Variants in DGKB observed in about 807,000 individuals in gnomAD.
DGKB encodes diacylglycerol kinase beta, also known as 90 kDa diacylglycerol kinase.
DGKB carries 67 observed loss-of-function variants against 114.3 expected under a neutral mutation model. That is an observed-to-expected ratio of 0.59 (90% CI 0.48 to 0.72). DGKB has a LOEUF of 0.72. Among genes scored for constraint, DGKB ranks in the 30% least tolerant of loss-of-function variants. DGKB has a pLI of 0.00. For missense variants in DGKB, 907 were observed against 975.2 expected (o/e 0.93, Z 0.93); for synonymous variants, 398 against 323.1 (o/e 1.23, Z -2.49).
intron 21 of DGKB, among the ~76,000 whole-genome samples, chr7:14,451,174 T>A (rs1008960660): frequency 6.6e-6 from 1 of 152,028 alleles, no homozygotes; most frequent in Admixed American, 6.6e-5. Context: ...TAAACATTAC[T>A]CTGTGTGTGC....
intron 4 of DGKB, among the ~76,000 whole-genome samples, chr7:14,736,865 G>A (rs1361601732): frequency 2.6e-5 from 4 of 152,080 alleles, no homozygotes; most frequent in East Asian, 1.9e-4. Context: ...GCCCATTAGC[G>A]GAAATGGTGA....
intron 8 of DGKB, among the ~76,000 whole-genome samples, chr7:14,695,490 C>CTTT (rs1823663284): frequency 1.7e-4 from 14 of 81,690 alleles, no homozygotes; most frequent in East Asian, 7.3e-4. Context: ...CTCTCTCTCT[C>CTTT]TCTCTTTTTT....
At chr7:14,514,709 CAATT>C (rs927196985) in intron 20 of DGKB, among the ~76,000 whole-genome samples, 2 of 151,984 alleles carry the variant, frequency 1.3e-5, no homozygotes, top group Non-Finnish European at 2.9e-5. Context: ...TGAATGTTCT[CAATT>C]AATTGTTTCA....
chr7:14,747,775 G>GCGCGCGCGCGCGCGCGCGCGCACACA, intron 4 of DGKB, among the ~76,000 whole-genome samples: 24 of 149,278 alleles, frequency 1.6e-4, no homozygotes, highest in African/African-American at 6.0e-4. Context: ...ACATCCACGC[G>GCGCGCGCGCGCGCGCGCGCGCACACA]CACGCACACA....
At chr7:14,307,324 TC>T in intron 23 of DGKB, among the ~76,000 whole-genome samples, 1 of 152,306 alleles carries the variant, frequency 6.6e-6, no homozygotes, top group South Asian at 2.1e-4. Flanking sequence ...TTTTCCGACT[TC>T]AATTAATTAA....
chr7:14,835,587 G>A (rs559398323), intron 2 of DGKB, among the ~76,000 whole-genome samples: 145 of 152,268 alleles, frequency 9.5e-4, no homozygotes, highest in African/African-American at 3.3e-3. Flanking sequence ...GCTCAGGACA[G>A]AAGTAAAAGC....
Position 14,559,637 on chromosome 7 carries a change from T to C in DGKB, c.1770+14575A>G, listed in dbSNP as rs898325124. Reference sequence around the variant, plus strand: ...ATTGTCAATTGAATTTTTTGTTACATCATGAATTTATTAAATTATTTCAAA... The same window carrying C: ...ATTGTCAATTGAATTTTTTGTTACACCATGAATTTATTAAATTATTTCAAA... On this transcript the variant is annotated intron_variant, in intron 20 of 25. Coordinates refer to ENST00000402815, the MANE Select transcript of DGKB (RefSeq NM_001350709.2). Among the ~76,000 whole-genome samples, 16 of 152,354 alleles carry C rather than the reference T, an allele frequency of 1.1e-4. No individual in the cohort carries two copies. In the East Asian group the frequency reaches 2.9e-3, roughly 28 times the overall value.
chr7:14,774,428 T>C (rs543019455), intron 2 of DGKB, among the ~76,000 whole-genome samples: 37 of 152,296 alleles, frequency 2.4e-4, no homozygotes, highest in African/African-American at 8.4e-4. Context: ...ATAGAGGCTG[T>C]ATGAAATGGA....
At chr7:14,750,193 G>C (rs911403311) in intron 4 of DGKB, 8 of 515,938 alleles carry the variant, frequency 1.6e-5, no homozygotes, top group Admixed American at 1.2e-4. Context: ...TAGCTTCAAT[G>C]CACATTATGT....
intron 23 of DGKB, among the ~76,000 whole-genome samples, chr7:14,248,765 T>A (rs1237099610): frequency 2.0e-5 from 3 of 152,160 alleles, no homozygotes; most frequent in African/African-American, 7.2e-5. Flanking sequence ...GTTTTCTGTA[T>A]ATAAGATTAT....
intron 4 of DGKB, among the ~76,000 whole-genome samples, chr7:14,745,803 C>CT (rs397808130): frequency 0.067 from 20 of 300 alleles, no homozygotes; most frequent in African/African-American, 0.22. Context: ...TTCAATGTGT[C>CT]GCATGCTTAA....
intron 18 of DGKB, among the ~76,000 whole-genome samples, chr7:14,582,082 G>T (rs1258463697): frequency 6.6e-6 from 1 of 152,074 alleles, no homozygotes; most frequent in Non-Finnish European, 1.5e-5. Flanking sequence ...TTTCTGCATT[G>T]ACTAAATAGG....
intron 25 of DGKB, among the ~76,000 whole-genome samples, chr7:14,163,791 T>G (rs1355782957): frequency 1.3e-5 from 2 of 152,180 alleles, no homozygotes; most frequent in Non-Finnish European, 1.5e-5. Flanking sequence ...GGTCAGGAAT[T>G]CGAGACCAGC....
intron 23 of DGKB, among the ~76,000 whole-genome samples, chr7:14,258,916 C>CT (rs1228666335): frequency 1.3e-5 from 2 of 152,024 alleles, no homozygotes; most frequent in Non-Finnish European, 2.9e-5. Flanking sequence ...TTGGGGGGCA[C>CT]TTTTTTTCAA....
intron 12 of DGKB, among the ~76,000 whole-genome samples, chr7:14,677,053 T>G (rs1434137507): frequency 2.0e-5 from 3 of 151,936 alleles, no homozygotes; most frequent in Admixed American, 6.6e-5. Flanking sequence ...CACTTGGAAA[T>G]AATTTCAGAG....
chr7:14,881,250 CT>C (rs1468688473), intron 1 of DGKB, among the ~76,000 whole-genome samples: 1 of 152,118 alleles, frequency 6.6e-6, no homozygotes, highest in Non-Finnish European at 1.5e-5. Flanking sequence ...AGTTGAGCAT[CT>C]TTTCACATAT....
At chr7:14,720,474 TG>T (rs1208061924) in intron 5 of DGKB, among the ~76,000 whole-genome samples, 3 of 4,912 alleles carry the variant, frequency 6.1e-4, no homozygotes, top group African/African-American at 4.3e-3. Context: ...CCGGCTGATT[TG>T]TGTGTGTGTG....
At chr7:14,492,654 C>A (rs1346506632) in intron 20 of DGKB, among the ~76,000 whole-genome samples, 5 of 151,994 alleles carry the variant, frequency 3.3e-5, no homozygotes, top group African/African-American at 1.2e-4. Context: ...TTCTACAGTT[C>A]TAGACCTGAT....
intron 20 of DGKB, among the ~76,000 whole-genome samples, chr7:14,537,456 C>A (rs1792691734): frequency 6.6e-6 from 1 of 152,024 alleles, no homozygotes; most frequent in East Asian, 1.9e-4. Context: ...CAATGGAACA[C>A]AATAGAGAGC....
Sources: gnomAD v4.1 joint callset for allele counts (sites outside exome capture counted in the v4.1 genomes callset) on GRCh38, gnomAD v4.1.1 for gene constraint, MANE v1.5 for transcripts, NCBI Gene and HGNC (gene_info 2026-07-23, HGNC 2026-07-21) for gene names.